The following PCDH11X variants were observed in gnomAD, a reference collection of about 807,000 sequenced individuals.
PCDH11X encodes the protein protocadherin 11 X-linked.
A neutral mutation model predicts 53.3 loss-of-function variants in PCDH11X; 18 were observed. The observed-to-expected ratio is 0.34, with a 90% CI of 0.23 to 0.50. The LOEUF (loss-of-function observed/expected upper bound fraction) is 0.50, where lower values mean the gene tolerates loss of function less well. PCDH11X is among the 20% of genes least tolerant of loss of function. The pLI is 0.98. For missense variants in PCDH11X, 570 were observed against 1,032.4 expected (o/e 0.55, Z 6.14); for synonymous variants, 279 against 393.3 (o/e 0.71, Z 3.44).
chrX:92,382,292 A>G (rs1289665476), intron 8 of PCDH11X, among the ~76,000 whole-genome samples: 1 of 111,653 alleles, frequency 9.0e-6, no homozygotes, highest in African/African-American at 3.2e-5. Context: ...TGGTGATGAC[A>G]GTGAATCTAA....
In PCDH11X at chrX:92,325,937, G is replaced by A. The variant is rs777155113; in HGVS notation, c.3145-61798G>A. ...ACAGTGCTAATAATTGATGTTACCT[G>A]CCATTAACACTATAACCTCTATAGC... On this transcript the variant is annotated intron_variant, in intron 8 of 10. Coordinates refer to ENST00000682573, the MANE Select transcript of PCDH11X (RefSeq NM_032968.5). 1.1e-3 allele frequency among the ~76,000 whole-genome samples: 123 copies of A among 112,169 alleles called. 1 individual carries two copies. The highest frequency in any genetic ancestry group is 9.2e-3 in the Middle Eastern group (2 of 218).
At chrX:91,832,336 C>G (rs1676875802) in intron 4 of PCDH11X, among the ~76,000 whole-genome samples, 1 of 109,721 alleles carries the variant, frequency 9.1e-6, no homozygotes, top group Admixed American at 9.8e-5. Flanking sequence ...AGTTCATGTC[C>G]TTTTTAAGGA....
chrX:91,912,283 G>A (rs1341162570), intron 6 of PCDH11X, among the ~76,000 whole-genome samples: 3 of 111,103 alleles, frequency 2.7e-5, no homozygotes, highest in African/African-American at 9.8e-5. Context: ...CTCTTGTCTA[G>A]TGTGTCTAAG....
intron 8 of PCDH11X, among the ~76,000 whole-genome samples, chrX:92,320,985 C>T (rs2069187665): frequency 9.4e-6 from 1 of 106,144 alleles, no homozygotes; most frequent in African/African-American, 3.4e-5. Context: ...ACAATTGGGA[C>T]CTACACATGA....
chrX:92,016,425 A>G (rs754347424), intron 6 of PCDH11X, among the ~76,000 whole-genome samples: 15 of 109,653 alleles, frequency 1.4e-4, no homozygotes, highest in African/African-American at 4.0e-4. Flanking sequence ...AGGCTGCTTC[A>G]TCTACACTGA....
chrX:92,532,846 G>A (rs2148727922), intron 10 of PCDH11X, among the ~76,000 whole-genome samples: 1 of 111,650 alleles, frequency 9.0e-6, no homozygotes, highest in Admixed American at 9.5e-5. Context: ...ATGGCAAAAG[G>A]CTAGGAGGAG....
rs2065535404 is a variant in PCDH11X at position 92,156,301 on chromosome X, TCTTTC to T, written c.3034-45070_3034-45066del. 5.5e-5 allele frequency among the ~76,000 whole-genome samples: 6 copies of T among 109,749 alleles called. No individual in the cohort carries two copies. The South Asian group carries it at 2.4e-3, about 44-fold the overall frequency. Reference sequence around the variant, plus strand: ...TGTCTCTTGAAGCTGCTGGGTGTGCTCTTTCCTTAGGATCTTTGCACTGACTGATT... The same window carrying T: ...TGTCTCTTGAAGCTGCTGGGTGTGCTCTTAGGATCTTTGCACTGACTGATT... On this transcript the variant is annotated intron_variant, in intron 6 of 10. Coordinates refer to ENST00000682573, the MANE Select transcript of PCDH11X (RefSeq NM_032968.5).
Position 92,010,767 on chromosome X carries a change from G to A in PCDH11X, c.3033+131494G>A, listed in dbSNP as rs113355442. Among the ~76,000 whole-genome samples, 730 of 109,110 alleles carry A rather than the reference G, an allele frequency of 6.7e-3. 4 individuals carry two copies. Among genetic ancestry groups the A allele is most frequent in the African/African-American group, 0.023 (688 of 29,897 alleles). The allele number at this position is 109,110 out of a possible 115,157, so 94.7% of individuals were successfully genotyped here. A position where few individuals can be genotyped will look rare whatever the true frequency, so the allele number is the denominator to read the frequency against. The stretch of plus-strand genomic sequence containing the variant: ...TTAGGTTCAGGGGATACATGTGCAG[G>A]TCTCTTATATGGGTAAATTGTTTGT... On this transcript the variant is annotated intron_variant, in intron 6 of 10. Transcript: ENST00000682573.
chrX:92,239,643 A>G (rs2067229983), intron 7 of PCDH11X, among the ~76,000 whole-genome samples: 1 of 111,765 alleles, frequency 8.9e-6, no homozygotes, highest in African/African-American at 3.2e-5. Context: ...TGTGTCAGAC[A>G]TTAGTTCATA....
At chrX:92,600,938 A>G (rs766188992) in intron 10 of PCDH11X, among the ~76,000 whole-genome samples, 51 of 108,422 alleles carry the variant, frequency 4.7e-4, no homozygotes, top group African/African-American at 1.7e-3. Flanking sequence ...TTAATATTTG[A>G]CCACCTCACT....
At chrX:92,387,709 C>A (rs1446430840) in intron 8 of PCDH11X, 26 bp from the exon 9 acceptor site, 20 of 1,211,620 alleles carry the variant, frequency 1.7e-5, no homozygotes, top group Non-Finnish European at 2.1e-5. Context: ...TATCTGAAAC[C>A]CTGTAATTTT....
At chrX:91,885,210 CTG>C (rs1167534268) in intron 6 of PCDH11X, among the ~76,000 whole-genome samples, 2 of 108,473 alleles carry the variant, frequency 1.8e-5, no homozygotes, top group African/African-American at 6.7e-5. Flanking sequence ...TCTTAAACAA[CTG>C]TTGTAGAAAA....
intron 6 of PCDH11X, among the ~76,000 whole-genome samples, chrX:92,105,009 C>T (rs2064346324): frequency 9.0e-6 from 1 of 110,546 alleles, no homozygotes; most frequent in Non-Finnish European, 1.9e-5. Context: ...AGGACCAAGT[C>T]AGGCATCCCT....
At chrX:92,042,159 A>C (rs180846849) in intron 6 of PCDH11X, among the ~76,000 whole-genome samples, 1 of 111,034 alleles carries the variant, frequency 9.0e-6, no homozygotes, top group Non-Finnish European at 1.9e-5. Context: ...ATCCATTAAA[A>C]TTTAATATTT....
intron 7 of PCDH11X, among the ~76,000 whole-genome samples, chrX:92,261,724 A>G (rs965799719): frequency 8.9e-6 from 1 of 112,258 alleles, no homozygotes; most frequent in African/African-American, 3.2e-5. Context: ...TGGTGATGTT[A>G]TAGTCCTTGA....
At chrX:92,050,114 G>A (rs1375195223) in intron 6 of PCDH11X, among the ~76,000 whole-genome samples, 1 of 110,961 alleles carries the variant, frequency 9.0e-6, no homozygotes, top group African/African-American at 3.3e-5. Flanking sequence ...AAAATATTTG[G>A]CTTAAAAATA....
At chrX:92,464,553 T>C (rs2073120267) in intron 9 of PCDH11X, among the ~76,000 whole-genome samples, 1 of 110,982 alleles carries the variant, frequency 9.0e-6, no homozygotes, top group African/African-American at 3.3e-5. Flanking sequence ...ATTAAACCTC[T>C]TTCCTTTATA....
chrX:92,379,658 A>C (rs1432708964), intron 8 of PCDH11X, among the ~76,000 whole-genome samples: 2 of 109,166 alleles, frequency 1.8e-5, no homozygotes, highest in Non-Finnish European at 3.8e-5. Context: ...CCAGTTCCTC[A>C]GACCAGAGTG....
chrX:92,585,695 T>C (rs1423421487), intron 10 of PCDH11X, among the ~76,000 whole-genome samples: 2 of 111,215 alleles, frequency 1.8e-5, no homozygotes, highest in African/African-American at 6.5e-5. Context: ...AAGAATACTT[T>C]GAATCACTAA....
Sources: allele counts gnomAD v4.1 joint callset (sites outside exome capture counted in the v4.1 genomes callset), GRCh38; gene constraint gnomAD v4.1.1; transcripts MANE v1.5; gene names NCBI Gene and HGNC (gene_info 2026-07-23, HGNC 2026-07-21).